The following YAF2 variants were observed in gnomAD, a reference collection of about 807,000 sequenced individuals.
The protein encoded by YAF2 is YY1-associated factor 2.
Under a neutral mutation model 20.1 loss-of-function variants are expected in YAF2, and 7 were observed. The ratio of observed to expected loss-of-function variants is 0.35; its 90% CI spans 0.20 to 0.65. The LOEUF (loss-of-function observed/expected upper bound fraction) is 0.65, where lower values mean the gene tolerates loss of function less well. Among genes scored for constraint, YAF2 ranks in the 30% least tolerant of loss-of-function variants. YAF2 has a pLI of 0.69. For synonymous variants in YAF2, 74 were observed against 76.0 expected (o/e 0.97, Z 0.14); for missense variants, 151 against 219.2 (o/e 0.69, Z 1.96).
chr12:42,193,293 C>T (rs375471984), intron 2 of YAF2, among the ~76,000 whole-genome samples: 6 of 144,484 alleles, frequency 4.2e-5, no homozygotes, highest in Middle Eastern at 3.5e-3. Flanking sequence ...CCAGCCTGGG[C>T]GACAGAGTAA....
At chr12:42,162,508 C>T (rs1447056430) in intron 2 of YAF2, among the ~76,000 whole-genome samples, 1 of 152,102 alleles carries the variant, frequency 6.6e-6, no homozygotes, top group East Asian at 1.9e-4. Context: ...GTTCAAAATA[C>T]AGTCTCTAAG....
intron 2 of YAF2, among the ~76,000 whole-genome samples, chr12:42,197,349 G>A (rs2066780272): frequency 1.3e-5 from 2 of 152,214 alleles, no homozygotes; most frequent in Non-Finnish European, 2.9e-5. Flanking sequence ...CACCTAGCTA[G>A]GGGCAATGAA....
At chr12:42,217,188 A>C (rs2067379953) in intron 2 of YAF2, among the ~76,000 whole-genome samples, 1 of 152,212 alleles carries the variant, frequency 6.6e-6, no homozygotes, top group African/African-American at 2.4e-5. Context: ...CATTTTTAAA[A>C]CTGCTAATAA....
chr12:42,184,807 C>T (rs1471622072), intron 2 of YAF2, among the ~76,000 whole-genome samples: 1 of 152,044 alleles, frequency 6.6e-6, no homozygotes, highest in Non-Finnish European at 1.5e-5. Context: ...GAAGTTGATG[C>T]CAATTATCAT....
At chr12:42,174,051 G>T (rs2066118850) in intron 2 of YAF2, among the ~76,000 whole-genome samples, 2 of 147,928 alleles carry the variant, frequency 1.4e-5, no homozygotes, top group African/African-American at 2.5e-5. Flanking sequence ...TCTCTACTGG[G>T]TTATTCCTGT....
intron 2 of YAF2, among the ~76,000 whole-genome samples, chr12:42,220,025 A>T (rs1419792835): frequency 1.3e-5 from 2 of 152,204 alleles, no homozygotes; most frequent in African/African-American, 2.4e-5. Context: ...GCCTTCTCAG[A>T]GACTGGAGGA....
intron 2 of YAF2, among the ~76,000 whole-genome samples, chr12:42,226,568 G>A (rs914312594): frequency 6.6e-6 from 1 of 152,130 alleles, no homozygotes; most frequent in Non-Finnish European, 1.5e-5. Context: ...GGAGGCTAAG[G>A]TGGGGGGACC....
chr12:42,173,819 A>G (rs2066112169), intron 2 of YAF2, among the ~76,000 whole-genome samples: 1 of 152,180 alleles, frequency 6.6e-6, no homozygotes, highest in Admixed American at 6.5e-5. Context: ...TGCTTTTATC[A>G]TGTGCTATTT....
chr12:42,161,748 G>C lies in YAF2; in HGVS notation c.170C>G (p.Ser57Cys), dbSNP rs1380321139. 2 of 1,603,984 alleles carry C rather than the reference G, an allele frequency of 1.2e-6. No individual in the cohort carries two copies. Among genetic ancestry groups the C allele is most frequent in the Non-Finnish European group, 8.5e-7 (1 of 1,177,678 alleles). Residue 57 changes from serine (S) to cysteine (C), a missense_variant, in exon 3 of 4, where the codon TCC (serine) becomes TGC (cysteine). This residue lies in a region of YAF2 where 50 missense variants were observed against 112.0 expected (regional missense o/e 0.45). Coordinates refer to ENST00000534854, the MANE Select transcript of YAF2 (RefSeq NM_005748.6). ...AGTAACCTGCTGTGCAACCAACTGG[G>C]AGACAGGTCGAGGTTTCCTGTGTGC... ...GTSTRKPRPV[S>C]QLVAQQVTQQ...
chr12:42,181,198 C>T (rs2066333323), intron 2 of YAF2, among the ~76,000 whole-genome samples: 2 of 152,208 alleles, frequency 1.3e-5, no homozygotes, highest in South Asian at 4.1e-4. Context: ...TTGATTTGCC[C>T]TTCACTTATC....
At chr12:42,236,064 G>A (rs1442733417) in intron 2 of YAF2, 68 of 1,510,974 alleles carry the variant, frequency 4.5e-5, no homozygotes, top group Non-Finnish European at 5.7e-5. Flanking sequence ...AAATAGAGAG[G>A]GAACAACAAA....
At chr12:42,174,233 A>G (rs1396597175) in intron 2 of YAF2, among the ~76,000 whole-genome samples, 1 of 152,072 alleles carries the variant, frequency 6.6e-6, no homozygotes, top group African/African-American at 2.4e-5. Context: ...TCTCAGGCTC[A>G]CATTAGTCAG....
chr12:42,167,546 G>A (rs1473226580), intron 2 of YAF2, among the ~76,000 whole-genome samples: 2 of 152,072 alleles, frequency 1.3e-5, no homozygotes, highest in African/African-American at 4.8e-5. Context: ...CTAAAATTGG[G>A]TCCAACTTAA....
chr12:42,196,472 C>T (rs183018519), intron 2 of YAF2, among the ~76,000 whole-genome samples: 78 of 152,188 alleles, frequency 5.1e-4, no homozygotes, highest in Non-Finnish European at 9.8e-4. Context: ...GAAGATGTCC[C>T]TTTGGCTATA....
chr12:42,202,661 G>A (rs762158403), intron 2 of YAF2, among the ~76,000 whole-genome samples: 2 of 151,964 alleles, frequency 1.3e-5, no homozygotes, highest in African/African-American at 4.8e-5. Flanking sequence ...TTTTTGAGAT[G>A]GAGTGTCGTT....
At chr12:42,210,645 C>T in intron 2 of YAF2, 1 of 1,536,004 alleles carries the variant, frequency 6.5e-7, no homozygotes, top group Non-Finnish European at 8.7e-7. Context: ...AATAGGAGAA[C>T]TCCAGTTACT....
rs1396011051 is a variant in YAF2, at chr12:42,160,713, G to C, written c.419C>G (p.Ser140Cys). Residue 140 changes from serine (S) to cysteine (C), a missense_variant, in exon 4 of 4, where the codon TCT becomes TGT. By Grantham distance (112) the Ser-to-Cys change is moderately radical (BLOSUM62 -1). Transcript: ENST00000534854. Reference sequence around the variant, plus strand: ...GTGTTGATCTGCAGAAGCAGCACTAGATGCAGGCGGTGACTTTGTTTTCTC... The same window carrying C: ...GTGTTGATCTGCAGAAGCAGCACTACATGCAGGCGGTGACTTTGTTTTCTC... ...FKEKTKSPPA[S>C]SAASADQHSQ... 1.2e-6 allele frequency: 2 copies of C among 1,613,622 alleles called. No individual in the cohort carries two copies. Among genetic ancestry groups the C allele is most frequent in the Non-Finnish European group, 1.7e-6 (2 of 1,179,856 alleles).
At chr12:42,211,164 C>T (rs1432239339) in intron 2 of YAF2, among the ~76,000 whole-genome samples, 3 of 152,090 alleles carry the variant, frequency 2.0e-5, no homozygotes, top group South Asian at 2.1e-4. Context: ...TGGTGGCTCA[C>T]GCCTGTAATC....
intron 2 of YAF2, among the ~76,000 whole-genome samples, chr12:42,201,203 T>C (rs1268294551): frequency 6.6e-6 from 1 of 152,216 alleles, no homozygotes; most frequent in Admixed American, 6.5e-5. Flanking sequence ...CATTCCTCCT[T>C]GGGCAACTGT....
Sources: gnomAD v4.1 joint callset for allele counts (sites outside exome capture counted in the v4.1 genomes callset) on GRCh38, gnomAD v4.1.1 for gene constraint, gnomAD v4.1.1 regional missense constraint, MANE v1.5 for transcripts, NCBI Gene and HGNC (gene_info 2026-07-23, HGNC 2026-07-21) for gene names.